Variants in AGTR1 observed in about 807,000 individuals in gnomAD.
The protein encoded by AGTR1 is type-1 angiotensin II receptor.
Under a neutral mutation model 19.4 loss-of-function variants are expected in AGTR1, and 16 were observed. The observed-to-expected ratio is 0.82, with a 90% CI of 0.56 to 1.25. The LOEUF (loss-of-function observed/expected upper bound fraction) is 1.25. Ranked by LOEUF, AGTR1 falls within the 50% of genes most tolerant of loss-of-function variation. AGTR1 has a pLI of 0.00. For synonymous variants in AGTR1, 153 were observed against 154.9 expected, an observed-to-expected ratio of 0.99 and a Z score of 0.09; for missense variants, 373 against 431.9, an observed-to-expected ratio of 0.86 and a Z score of 1.21.
chr3:148,706,000 T>G (rs1190588631), intron 1 of AGTR1, among the ~76,000 whole-genome samples: 1 of 152,010 alleles, frequency 6.6e-6, no homozygotes, highest in Non-Finnish European at 1.5e-5. Flanking sequence ...ACAACAAATC[T>G]TAAGAGCTTT....
At chr3:148,715,555 G>A (rs1283028952) in intron 2 of AGTR1, among the ~76,000 whole-genome samples, 9 of 152,024 alleles carry the variant, frequency 5.9e-5, no homozygotes, top group African/African-American at 1.7e-4. Context: ...TGAGTAGAAT[G>A]AGAAAAAAAT....
chr3:148,724,751 A>G (rs191807167), intron 2 of AGTR1, among the ~76,000 whole-genome samples: 3 of 152,322 alleles, frequency 2.0e-5, no homozygotes, highest in East Asian at 3.9e-4. Context: ...TAAAGAAACC[A>G]TGTAATTTAT....
chr3:148,700,809 C>T (rs745583721), intron 1 of AGTR1, among the ~76,000 whole-genome samples: 1 of 152,164 alleles, frequency 6.6e-6, no homozygotes, highest in African/African-American at 2.4e-5. Context: ...CTTTCCAACA[C>T]GTGATGATTG....
chr3:148,739,484 TGGTGAGTCAAAG>T (rs1234596913), intron 2 of AGTR1, among the ~76,000 whole-genome samples: 4 of 152,174 alleles, frequency 2.6e-5, no homozygotes, highest in Admixed American at 2.6e-4. Context: ...ACTAATGTCC[TGGTGAGTCAAAG>T]AAGAAAAGGA....
intron 2 of AGTR1, among the ~76,000 whole-genome samples, chr3:148,740,114 A>G (rs1442349932): frequency 1.3e-5 from 2 of 152,250 alleles, no homozygotes; most frequent in African/African-American, 2.4e-5. Flanking sequence ...GGCTTTGTGC[A>G]GCCCATTCTT....
intron 2 of AGTR1, among the ~76,000 whole-genome samples, chr3:148,732,757 T>TC (rs1290740711): frequency 2.7e-4 from 38 of 138,666 alleles, no homozygotes; most frequent in Non-Finnish European, 4.4e-4. Context: ...TTTTTTTTTT[T>TC]TGAGACGGAG....
intron 2 of AGTR1, among the ~76,000 whole-genome samples, chr3:148,725,135 A>G (rs1713855157): frequency 6.6e-6 from 1 of 152,226 alleles, no homozygotes; most frequent in Non-Finnish European, 1.5e-5. Context: ...AGAGACTTAT[A>G]TGAATACTAG....
intron 2 of AGTR1, among the ~76,000 whole-genome samples, chr3:148,719,511 G>A (rs1713491713): frequency 6.6e-6 from 1 of 152,016 alleles, no homozygotes; most frequent in Admixed American, 6.6e-5. Flanking sequence ...GCCTCACTGG[G>A]GCTTTGCTTC....
intron 2 of AGTR1, among the ~76,000 whole-genome samples, chr3:148,724,548 T>C (rs1352498523): frequency 6.6e-6 from 1 of 152,240 alleles, no homozygotes; most frequent in Non-Finnish European, 1.5e-5. Context: ...ACAAAGGGTA[T>C]ACATGTATAT....
chr3:148,718,597 G>A (rs965098027), intron 2 of AGTR1, among the ~76,000 whole-genome samples: 8 of 152,158 alleles, frequency 5.3e-5, no homozygotes, highest in Admixed American at 3.3e-4. Context: ...CTTTAACCAG[G>A]CAAGCTCAGT....
At chr3:148,729,738 G>A (rs1714148986) in intron 2 of AGTR1, among the ~76,000 whole-genome samples, 1 of 152,118 alleles carries the variant, frequency 6.6e-6, no homozygotes, top group African/African-American at 2.4e-5. Flanking sequence ...AGATAGAATG[G>A]TCTAAATATT....
At chr3:148,699,626 A>T (rs1712204498) in intron 1 of AGTR1, among the ~76,000 whole-genome samples, 1 of 152,178 alleles carries the variant, frequency 6.6e-6, no homozygotes, top group Non-Finnish European at 1.5e-5. Flanking sequence ...GTCTCTGCCC[A>T]TAAGGTTCCC....
chr3:148,710,446 A>G (rs575327628), intron 2 of AGTR1, among the ~76,000 whole-genome samples: 2 of 152,294 alleles, frequency 1.3e-5, no homozygotes, highest in African/African-American at 4.8e-5. Context: ...TTGGTTACCA[A>G]CATTGCTGAC....
chr3:148,734,373 C>T (rs1714451580), intron 2 of AGTR1, among the ~76,000 whole-genome samples: 1 of 152,100 alleles, frequency 6.6e-6, no homozygotes, highest in Non-Finnish European at 1.5e-5. Flanking sequence ...AACATTTAAC[C>T]ACTGTCACCA....
At chr3:148,705,007 T>C (rs892785492) in intron 1 of AGTR1, among the ~76,000 whole-genome samples, 1 of 152,110 alleles carries the variant, frequency 6.6e-6, no homozygotes, top group Admixed American at 6.5e-5. Flanking sequence ...TAGTGGAAGT[T>C]TGAAAGAAGG....
At chr3:148,733,016 A>T (rs1714371799) in intron 2 of AGTR1, among the ~76,000 whole-genome samples, 1 of 152,024 alleles carries the variant, frequency 6.6e-6, no homozygotes, top group Non-Finnish European at 1.5e-5. Flanking sequence ...CTGGGATTAC[A>T]GGCGTGAGCC....
At chr3:148,736,017 A>T (rs535401493) in intron 2 of AGTR1, among the ~76,000 whole-genome samples, 1 of 151,762 alleles carries the variant, frequency 6.6e-6, no homozygotes, top group African/African-American at 2.4e-5. Context: ...ACTATGGGGA[A>T]TTTTTTTTTC....
rs1189429525 is a variant in AGTR1 at position 148,730,096 on chromosome 3, C to T, written c.-47-10893C>T. ...CCATGATCTCATTCGGTGTTTCCAACAATGTTTTGCACCAAACTGGACACA... is the reference window on the plus strand; with the variant it reads ...CCATGATCTCATTCGGTGTTTCCAATAATGTTTTGCACCAAACTGGACACA... On this transcript the variant is annotated intron_variant, in intron 2 of 2. Coordinates refer to ENST00000349243, the MANE Select transcript of AGTR1 (RefSeq NM_000685.5). 7 of 395,860 alleles carry T rather than the reference C, an allele frequency of 1.8e-5. No homozygotes were observed. In the East Asian group the frequency reaches 2.5e-4, roughly 14 times the overall value. The allele number at this position is 395,860 out of a possible 1,614,324, so 24.5% of individuals were successfully genotyped here. A position where few individuals can be genotyped will look rare whatever the true frequency, so the allele number is the denominator to read the frequency against.
intron 2 of AGTR1, chr3:148,731,186 G>A (rs1481306121): frequency 6.6e-6 from 1 of 151,852 alleles, no homozygotes; most frequent in Non-Finnish European, 1.5e-5. Flanking sequence ...ATTTCTTTTG[G>A]ACAGCACTGA....
Sources: allele counts gnomAD v4.1 joint callset (sites outside exome capture counted in the v4.1 genomes callset), GRCh38; gene constraint gnomAD v4.1.1; transcripts MANE v1.5; gene names NCBI Gene and HGNC (gene_info 2026-07-23, HGNC 2026-07-21).